ABR: variants seen among roughly 807,000 people sequenced by gnomAD.
ABR encodes active breakpoint cluster region-related protein.
Under a neutral mutation model 107.2 loss-of-function variants are expected in ABR, and 35 were observed. The observed-to-expected ratio is 0.33, with a 90% CI of 0.25 to 0.43. The LOEUF (loss-of-function observed/expected upper bound fraction) is 0.43, where lower values mean the gene tolerates loss of function less well. Ranked by LOEUF, ABR falls within the 20% of genes least tolerant of loss-of-function variation. The probability of loss-of-function intolerance (pLI) is 1.00; values close to 1 mark genes in which losing one functional copy is unlikely to be tolerated. For missense variants in ABR, 815 were observed against 1,115.2 expected, an observed-to-expected ratio of 0.73 and a Z score of 3.83; for synonymous variants, 498 against 462.0, an observed-to-expected ratio of 1.08 and a Z score of -1.00.
At chr17:1,031,937 TTCCCCG>T in intron 16 of ABR, 2 of 853,798 alleles carry the variant, frequency 2.3e-6, no homozygotes, top group Non-Finnish European at 3.0e-6. Context: ...GCATCCCTCC[TTCCCCG>T]CCCTCCGCGA....
At chr17:1,025,540 T>C (rs540613020) in intron 16 of ABR, among the ~76,000 whole-genome samples, 1 of 152,294 alleles carries the variant, frequency 6.6e-6, no homozygotes, top group East Asian at 1.9e-4. Flanking sequence ...CGCCGTCCCC[T>C]GACCCCACGT....
chr17:1,039,211 G>A (rs1184760272), intron 16 of ABR, among the ~76,000 whole-genome samples: 1 of 152,162 alleles, frequency 6.6e-6, no homozygotes, highest in Non-Finnish European at 1.5e-5. Flanking sequence ...TCAGAGGCGG[G>A]TCAGGGGGAG....
At chr17:1,061,964 T>C (rs1157801893) in intron 10 of ABR, among the ~76,000 whole-genome samples, 1 of 152,090 alleles carries the variant, frequency 6.6e-6, no homozygotes, top group Non-Finnish European at 1.5e-5. Context: ...CAATTACAAT[T>C]CAGTACCATT....
chr17:1,146,756 CCACATGA>C (rs2040556681), intron 1 of ABR, among the ~76,000 whole-genome samples: 1 of 140,564 alleles, frequency 7.1e-6, no homozygotes, highest in East Asian at 2.4e-4. Flanking sequence ...GCCACCACTG[CCACATGA>C]CACCACTGCC....
In ABR at chr17:1,159,318, TAAGAATGCAGTACTCACG is replaced by T. The variant is rs1270576967; in HGVS notation, c.61+20331_61+20348del. On this transcript the variant is annotated intron_variant, in intron 1 of 22. Coordinates refer to ENST00000302538, the MANE Select transcript of ABR (RefSeq NM_021962.5). ...ATGCGGTACTCACACACAAGGGAAG[TAAGAATGCAGTACTCACG>T]CACAAGGGAAGTATGCGGTACTCAC... Among the ~76,000 whole-genome samples, 188 of 91,268 alleles carry T rather than the reference TAAGAATGCAGTACTCACG, an allele frequency of 2.1e-3. 33 individuals carry two copies. The highest frequency in any genetic ancestry group is 7.8e-3 in the African/African-American group (179 of 23,088). 59.9% of individuals were successfully genotyped at this position (91,268 alleles called of 152,430 possible).
chr17:1,159,612 A>G (rs77785324), intron 1 of ABR, among the ~76,000 whole-genome samples: 1 of 80,296 alleles, frequency 1.2e-5, no homozygotes. Context: ...ATGAGAAGTA[A>G]GAATGCGGTA....
chr17:1,044,809 G>T (rs1266780261), intron 16 of ABR, among the ~76,000 whole-genome samples: 2 of 152,146 alleles, frequency 1.3e-5, no homozygotes, highest in Non-Finnish European at 2.9e-5. Flanking sequence ...TGCCAGGCGG[G>T]TCTGTCCTCC....
chr17:1,203,253 G>C (rs369626665), intron 1 of ABR, among the ~76,000 whole-genome samples: 3 of 151,956 alleles, frequency 2.0e-5, no homozygotes, highest in Non-Finnish European at 4.4e-5. Flanking sequence ...TCCTTGGAAG[G>C]GGCTTCGGAT....
intron 1 of ABR, among the ~76,000 whole-genome samples, chr17:1,220,160 G>C (rs967778935): frequency 6.6e-6 from 1 of 151,934 alleles, no homozygotes; most frequent in African/African-American, 2.4e-5. Flanking sequence ...GCGTGGTGGC[G>C]GGCGCCTGTG....
chr17:1,062,102 T>C (rs2151102818), intron 10 of ABR, among the ~76,000 whole-genome samples: 1 of 152,110 alleles, frequency 6.6e-6, no homozygotes, highest in Non-Finnish European at 1.5e-5. Flanking sequence ...ACCTGAGAGG[T>C]GAGGAAAACA....
intron 2 of ABR, chr17:1,108,807 C>CCCT: frequency 1.7e-6 from 2 of 1,189,434 alleles, no homozygotes; most frequent in South Asian, 1.8e-5. Flanking sequence ...GCTGCCGGGG[C>CCCT]CGGGACCCTC....
chr17:1,199,367 G>A (rs547700589), intron 1 of ABR, among the ~76,000 whole-genome samples: 3 of 150,926 alleles, frequency 2.0e-5, no homozygotes, highest in Non-Finnish European at 2.9e-5. Flanking sequence ...GAGGCCACAC[G>A]GAAGGTACAA....
At chr17:1,018,233 G>GA (rs2071335945) in intron 16 of ABR, among the ~76,000 whole-genome samples, 1 of 151,534 alleles carries the variant, frequency 6.6e-6, no homozygotes, top group Non-Finnish European at 1.5e-5. Context: ...TAGTAGAGAC[G>GA]GGGTTTCACC....
Position 1,050,708 on chromosome 17 carries a change from G to A in ABR, c.1562-74C>T, listed in dbSNP as rs1018891635. 1.7e-6 allele frequency: 2 copies of A among 1,193,606 alleles called. No homozygotes were observed. The highest frequency in any genetic ancestry group is 1.5e-5 in the African/African-American group (1 of 66,646). 73.9% of individuals were successfully genotyped at this position (1,193,606 alleles called of 1,614,324 possible). A position where few individuals can be genotyped will look rare whatever the true frequency, so the allele number is the denominator to read the frequency against. On this transcript the variant is annotated intron_variant, in intron 14 of 22. Transcript: ENST00000302538. This position sits in a 1 kb window ranked among gnomAD's most constrained non-coding sequence, Gnocchi z 4.6. ...GGGCAGCTGGGGCGGCACTCAGGATGGAGGGGGACATCGCATCTGTCCTTT... is the reference window on the plus strand; with the variant it reads ...GGGCAGCTGGGGCGGCACTCAGGATAGAGGGGGACATCGCATCTGTCCTTT...
At chr17:1,079,170 G>A (rs149137497) in intron 6 of ABR, 160 bp downstream of exon 6, 54 of 1,463,204 alleles carry the variant, frequency 3.7e-5, no homozygotes, top group Middle Eastern at 2.5e-4. Context: ...GCGCGCACAC[G>A]CGCACTCAGC....
chr17:1,008,740 T>C (rs760890793), intron 21 of ABR, among the ~76,000 whole-genome samples: 13 of 152,154 alleles, frequency 8.5e-5, no homozygotes, highest in African/African-American at 1.4e-4. Flanking sequence ...CAGGGAAGAA[T>C]TGTTCCGCAG....
chr17:1,165,978 C>T (rs1192943496), intron 1 of ABR, among the ~76,000 whole-genome samples: 2 of 151,722 alleles, frequency 1.3e-5, no homozygotes, highest in Non-Finnish European at 2.9e-5. Context: ...CAGCTCCCAC[C>T]CCCCGGAGTG....
At chr17:1,123,029 C>G (rs907120403) in intron 2 of ABR, among the ~76,000 whole-genome samples, 4 of 152,220 alleles carry the variant, frequency 2.6e-5, no homozygotes, top group Non-Finnish European at 5.9e-5. Context: ...CCGCAGAAAC[C>G]TCGGTCTTTT....
At position 1,078,776 on chromosome 17, in the gene ABR, G is replaced by A. The variant is rs1367483060; in HGVS notation, c.700+554C>T. ...CACTCCAGCCGGCCCCCAGAGGTGG[G>A]AGGGTCCGCCACCTCCCACAGCGAG... On this transcript the variant is annotated intron_variant, in intron 6 of 22. Coordinates refer to ENST00000302538, the MANE Select transcript of ABR (RefSeq NM_021962.5). The surrounding 1 kb of genome is among the most constrained non-coding windows in gnomAD (Gnocchi z 7.5). The A allele has an allele frequency of 1.3e-6, 2 of 1,532,528 alleles. No individual in the cohort carries two copies. Among genetic ancestry groups the A allele is most frequent in the Non-Finnish European group, 1.7e-6 (2 of 1,144,338 alleles). The allele number at this position is 1,532,528 out of a possible 1,614,324, so 94.9% of individuals were successfully genotyped here. A position where few individuals can be genotyped will look rare whatever the true frequency, so the allele number is the denominator to read the frequency against.
Sources: gnomAD v4.1 joint callset for allele counts (sites outside exome capture counted in the v4.1 genomes callset) on GRCh38, gnomAD v4.1.1 for gene constraint, Gnocchi (gnomAD v3.1) non-coding constraint, MANE v1.5 for transcripts, NCBI Gene and HGNC (gene_info 2026-07-23, HGNC 2026-07-21) for gene names.